AFG2A: variants seen among roughly 807,000 people sequenced by gnomAD.
AFG2A encodes ATPase family gene 2 protein homolog A.
At chr4:123,056,419 A>G in the AFG2A span, 3 of 1,612,990 alleles carry the variant, frequency 1.9e-6, no homozygotes, top group Non-Finnish European at 1.7e-6. Flanking sequence ...ATGTTGGTGA[A>G]TCTGAAAGAG....
At chr4:123,032,790 A>G in the AFG2A span, among the ~76,000 whole-genome samples, 2 of 152,242 alleles carry the variant, frequency 1.3e-5, no homozygotes, top group Admixed American at 6.5e-5. Context: ...ACAGTGAGCC[A>G]CAGCTCCCGG....
At chr4:122,967,445 C>T in the AFG2A span, among the ~76,000 whole-genome samples, 55 of 152,232 alleles carry the variant, frequency 3.6e-4, no homozygotes, top group African/African-American at 1.3e-3. Flanking sequence ...GCTGTTCTCT[C>T]TCCTCAAGTT....
At chr4:122,963,120 G>A in the AFG2A span, among the ~76,000 whole-genome samples, 1 of 152,174 alleles carries the variant, frequency 6.6e-6, no homozygotes, top group Non-Finnish European at 1.5e-5. Flanking sequence ...GCACTAGATG[G>A]TGGGGCTACC....
the AFG2A span, among the ~76,000 whole-genome samples, chr4:123,045,561 A>C: frequency 6.6e-6 from 1 of 152,174 alleles, no homozygotes; most frequent in Admixed American, 6.5e-5. Context: ...AGTTATTGTG[A>C]AAAATATCCT....
chr4:122,957,886 A>T, the AFG2A span, among the ~76,000 whole-genome samples: 1 of 152,078 alleles, frequency 6.6e-6, no homozygotes, highest in Non-Finnish European at 1.5e-5. Context: ...AATATTAATG[A>T]CTTCTGGTAT....
the AFG2A span, among the ~76,000 whole-genome samples, chr4:123,177,824 G>T: frequency 1.3e-5 from 2 of 152,070 alleles, no homozygotes; most frequent in Non-Finnish European, 1.5e-5. Context: ...ACATTGAGCC[G>T]CATGGCCGCA....
the AFG2A span, among the ~76,000 whole-genome samples, chr4:123,172,319 G>A: frequency 6.6e-6 from 1 of 152,210 alleles, no homozygotes. Context: ...GTTAAATAAT[G>A]TAGTAGTTGA....
the AFG2A span, among the ~76,000 whole-genome samples, chr4:123,199,773 A>G: frequency 6.6e-6 from 1 of 151,968 alleles, no homozygotes; most frequent in Non-Finnish European, 1.5e-5. Context: ...CCCGGCCGAT[A>G]TACTCAGAGT....
At chr4:122,940,839 C>T in the AFG2A span, among the ~76,000 whole-genome samples, 2 of 151,406 alleles carry the variant, frequency 1.3e-5, no homozygotes, top group South Asian at 4.2e-4. Flanking sequence ...CCAGTTTCAG[C>T]TTTCTACATA....
At chr4:123,188,525 A>T in the AFG2A span, among the ~76,000 whole-genome samples, 1 of 152,228 alleles carries the variant, frequency 6.6e-6, no homozygotes, top group South Asian at 2.1e-4. Context: ...TCATAGAGCA[A>T]TCACATAAGC....
At chr4:123,201,550 G>A in the AFG2A span, among the ~76,000 whole-genome samples, 1 of 152,150 alleles carries the variant, frequency 6.6e-6, no homozygotes, top group Non-Finnish European at 1.5e-5. Context: ...GGGTGTTTGA[G>A]TTTTAGTTTC....
chr4:123,110,106 A>G, the AFG2A span, among the ~76,000 whole-genome samples: 2 of 152,122 alleles, frequency 1.3e-5, no homozygotes, highest in African/African-American at 4.8e-5. Context: ...TCAGTAATAT[A>G]TTTACTGAAT....
the AFG2A span, among the ~76,000 whole-genome samples, chr4:122,931,803 C>G: frequency 6.6e-6 from 1 of 152,180 alleles, no homozygotes; most frequent in Non-Finnish European, 1.5e-5. Context: ...TACATGGTAA[C>G]ATGGGTGTTG....
the AFG2A span, among the ~76,000 whole-genome samples, chr4:122,950,809 C>T: frequency 5.3e-5 from 8 of 152,328 alleles, no homozygotes; most frequent in African/African-American, 1.9e-4. Context: ...AGTCTACCTG[C>T]CACCATTGTG....
chr4:123,115,485 A>C, the AFG2A span, among the ~76,000 whole-genome samples: 1 of 151,728 alleles, frequency 6.6e-6, no homozygotes, highest in African/African-American at 2.4e-5. Context: ...GTACGGCCCC[A>C]CTGTGCGTTC....
chr4:123,242,732 A>C, the AFG2A span, among the ~76,000 whole-genome samples: 3 of 152,230 alleles, frequency 2.0e-5, no homozygotes, highest in Non-Finnish European at 2.9e-5. Context: ...TGGCAACAAA[A>C]GCCAAAATTG....
the AFG2A span, among the ~76,000 whole-genome samples, chr4:123,070,051 G>A: frequency 6.6e-6 from 1 of 152,120 alleles, no homozygotes. Context: ...GCTAAGTAAG[G>A]AACTGACTGT....
the AFG2A span, among the ~76,000 whole-genome samples, chr4:123,022,498 C>T: frequency 7.3e-5 from 11 of 150,402 alleles, no homozygotes; most frequent in African/African-American, 2.7e-4. Flanking sequence ...CCATCTCACA[C>T]CAGTTAGAAT....
the AFG2A span, chr4:122,933,395 G>T: frequency 2.0e-6 from 3 of 1,482,740 alleles, no homozygotes; most frequent in South Asian, 1.2e-5. Context: ...TTAGTTTCTG[G>T]TGTACCTAAT....
Sources: allele counts gnomAD v4.1 joint callset (sites outside exome capture counted in the v4.1 genomes callset), GRCh38; gene constraint gnomAD v4.1.1; transcripts MANE v1.5; gene names NCBI Gene and HGNC (gene_info 2026-07-23, HGNC 2026-07-21).